Variants in OSBP observed in about 807,000 individuals in gnomAD.
OSBP encodes the protein oxysterol binding protein.
In OSBP, 32 loss-of-function variants were observed where a neutral mutation model predicts 96.6. The observed-to-expected ratio is 0.33, with a 90% CI of 0.25 to 0.45. OSBP has a LOEUF of 0.45. Ranked by LOEUF, OSBP falls within the 20% of genes least tolerant of loss-of-function variation. OSBP has a pLI of 1.00. For synonymous variants in OSBP, 369 were observed against 389.6 expected (o/e 0.95, Z 0.62); for missense variants, 653 against 1,029.7 (o/e 0.63, Z 5.01).
At chr11:59,579,761 C>G (rs1860398818) in intron 11 of OSBP, among the ~76,000 whole-genome samples, 1 of 151,780 alleles carries the variant, frequency 6.6e-6, no homozygotes, top group South Asian at 2.1e-4. Context: ...GCTCTGTTGC[C>G]CAGGCTGGGG....
At chr11:59,615,261 T>TG in intron 1 of OSBP, 42 bp downstream of exon 1, 1 of 1,509,120 alleles carries the variant, frequency 6.6e-7, no homozygotes, top group Non-Finnish European at 9.1e-7. Flanking sequence ...TTGGCAGATA[T>TG]GGGGGAGGCA....
chr11:59,579,938 C>A (rs1333358085), intron 11 of OSBP, among the ~76,000 whole-genome samples: 1 of 152,146 alleles, frequency 6.6e-6, no homozygotes, highest in Non-Finnish European at 1.5e-5. Context: ...GCTCGAACTC[C>A]TGACCTCAGG....
chr11:59,585,578 G>A (rs1156637419), intron 9 of OSBP, among the ~76,000 whole-genome samples: 22 of 151,486 alleles, frequency 1.5e-4, no homozygotes, highest in Non-Finnish European at 2.1e-4. Context: ...CAGCCGCCCC[G>A]TCCGGGAGGT....
intron 9 of OSBP, among the ~76,000 whole-genome samples, chr11:59,590,273 C>G (rs1860560955): frequency 6.6e-6 from 1 of 152,162 alleles, no homozygotes; most frequent in African/African-American, 2.4e-5. Context: ...ACTGCCTTAT[C>G]TTGTCAGACC....
At position 59,594,426 on chromosome 11, in the gene OSBP, C is replaced by T. The variant is rs535268669; in HGVS notation, c.1312-171G>A. On this transcript the variant is annotated intron_variant, in intron 7 of 13. Coordinates refer to ENST00000263847, the MANE Select transcript of OSBP (RefSeq NM_002556.3). Reference sequence around the variant, plus strand: ...CATTCTCCTTGTCAACTGTTCATGTCTGTGAGTGGCAGAAATCACTGTTTT... The same window carrying T: ...CATTCTCCTTGTCAACTGTTCATGTTTGTGAGTGGCAGAAATCACTGTTTT... Among the ~76,000 whole-genome samples, 8 of 152,320 alleles carry T rather than the reference C, an allele frequency of 5.3e-5. No individual in the cohort carries two copies. In the South Asian group the frequency reaches 1.7e-3, roughly 32 times the overall value.
intron 3 of OSBP, among the ~76,000 whole-genome samples, chr11:59,602,782 C>T (rs964731703): frequency 2.6e-5 from 4 of 152,114 alleles, no homozygotes; most frequent in Non-Finnish European, 4.4e-5. Flanking sequence ...CCACCATGGC[C>T]GACTAATTTT....
rs569899607 is a variant in OSBP, at chr11:59,578,033, T to C, written c.2060+116A>G. On this transcript the variant is annotated intron_variant, in intron 12 of 13. Transcript: ENST00000263847. ...CTGTTAATCTCTCCAAAAGTCTCAA[T>C]TTCCCTTGCTCAATTCCCCACATAA... is the stretch of plus-strand genomic sequence containing the variant. 4.0e-5 allele frequency: 37 copies of C among 925,048 alleles called. No homozygotes were observed. The African/African-American group carries it at 6.1e-4, about 15-fold the overall frequency. The allele number at this position is 925,048 out of a possible 1,614,324, so 57.3% of individuals were successfully genotyped here.
chr11:59,604,202 G>A (rs1383024560), intron 3 of OSBP, among the ~76,000 whole-genome samples: 1 of 151,998 alleles, frequency 6.6e-6, no homozygotes, highest in East Asian at 1.9e-4. Context: ...TGTTTTACAT[G>A]TAAGCACTTA....
intron 1 of OSBP, among the ~76,000 whole-genome samples, chr11:59,613,647 T>C (rs968724750): frequency 3.9e-5 from 6 of 152,166 alleles, no homozygotes; most frequent in African/African-American, 1.2e-4. Flanking sequence ...TCTGGGGAAA[T>C]TAAAATTTTA....
chr11:59,577,197 T>C (rs1860370847), intron 12 of OSBP, among the ~76,000 whole-genome samples, 172 bp from the exon 13 acceptor site: 1 of 152,148 alleles, frequency 6.6e-6, no homozygotes, highest in Non-Finnish European at 1.5e-5. Context: ...AGGAGACAAA[T>C]TGGATCCCTC....
intron 9 of OSBP, among the ~76,000 whole-genome samples, chr11:59,585,431 C>T (rs1356243042): frequency 4.0e-5 from 6 of 148,780 alleles, no homozygotes; most frequent in African/African-American, 1.0e-4. Flanking sequence ...GGAGCCCCTC[C>T]GCCCGGCAGC....
Position 59,600,479 on chromosome 11 carries a change from G to A in OSBP, c.1311+17C>T. ...AGAGGAACTCCTGGCAGCAGCTCCA[G>A]TGTGCAAGAACCTTACCGGCATGGG... On this transcript the variant is annotated intron_variant, in intron 7 of 13. Transcript: ENST00000263847. 6.2e-7 allele frequency: 1 copy of A among 1,612,756 alleles called. No homozygotes were observed. The highest frequency in any genetic ancestry group is 8.5e-7 in the Non-Finnish European group (1 of 1,179,438).
chr11:59,579,675 T>C (rs1258672343), intron 11 of OSBP, among the ~76,000 whole-genome samples: 2 of 152,214 alleles, frequency 1.3e-5, no homozygotes, highest in African/African-American at 4.8e-5. Flanking sequence ...GGAATTGGCT[T>C]AGTAGTAATA....
Position 59,576,951 on chromosome 11 carries a change from G to T in OSBP, c.2135C>A (p.Pro712His), listed in dbSNP as rs1860368081. 1 of 1,614,068 alleles carries T rather than the reference G, an allele frequency of 6.2e-7. No homozygotes were observed. Among genetic ancestry groups the T allele is most frequent in the Admixed American group, 1.7e-5 (1 of 60,000 alleles). The part of the protein sequence containing the change: ...TLNAWESGTA[P>H]TDSRLRPDQR... ...GTCAGGTCGTAACCGGCTGTCTGTG[G>T]GGGCAGTGCCACTTTCCCAAGCATT... Residue 712 changes from proline to histidine, a missense_variant, in exon 13 of 14, where the codon CCC becomes CAC. Pro to His is a moderately conservative substitution (Grantham distance 77). Coordinates refer to ENST00000263847, the MANE Select transcript of OSBP (RefSeq NM_002556.3).
chr11:59,577,385 A>G (rs1860372677), intron 12 of OSBP, among the ~76,000 whole-genome samples: 1 of 152,162 alleles, frequency 6.6e-6, no homozygotes, highest in Non-Finnish European at 1.5e-5. Flanking sequence ...TATCACTACA[A>G]ACTGACTGTA....
At position 59,615,700 on chromosome 11, in the gene OSBP, G is replaced by C; in HGVS notation, c.-36C>G. The C allele has an allele frequency of 7.9e-7, 1 of 1,268,260 alleles. No individual in the cohort carries two copies. Among genetic ancestry groups the C allele is most frequent in the East Asian group, 3.2e-5 (1 of 31,194 alleles). The allele number at this position is 1,268,260 out of a possible 1,614,324, so 78.6% of individuals were successfully genotyped here. A position where few individuals can be genotyped will look rare whatever the true frequency, so the allele number is the denominator to read the frequency against. Reference sequence around the variant, plus strand: ...CGCCTGGAGATACAAGACCGGAACCGCCTACGAGAGCCGCCGTCGCCGCCC... The same window carrying C: ...CGCCTGGAGATACAAGACCGGAACCCCCTACGAGAGCCGCCGTCGCCGCCC... On this transcript the variant is annotated 5_prime_UTR_variant, in exon 1 of 14. Coordinates refer to ENST00000263847, the MANE Select transcript of OSBP (RefSeq NM_002556.3).
At chr11:59,604,599 GGAT>G (rs1168589180) in intron 3 of OSBP, among the ~76,000 whole-genome samples, 1 of 152,096 alleles carries the variant, frequency 6.6e-6, no homozygotes, top group Admixed American at 6.5e-5. Context: ...CTACTTGGGA[GGAT>G]GAGGTAGAAG....
At chr11:59,610,888 CTT>C (rs2134710126) in intron 1 of OSBP, among the ~76,000 whole-genome samples, 1 of 151,066 alleles carries the variant, frequency 6.6e-6, no homozygotes, top group South Asian at 2.1e-4. Context: ...AATCCCAGCA[CTT>C]TGGGAGGCCA....
Position 59,600,818 on chromosome 11 carries a change from C to A in OSBP, c.1179+1G>T. 6.2e-7 allele frequency: 1 copy of A among 1,612,766 alleles called. No homozygotes were observed. The highest frequency in any genetic ancestry group is 8.5e-7 in the Non-Finnish European group (1 of 1,179,122). ...TCTGAGATCTCCCATATAAGAATTA[C>A]CTGTTCATCAAGGCTGATGTCACTG... On this transcript the variant is annotated splice_donor_variant, in intron 6 of 13. Transcript: ENST00000263847. LOFTEE classifies it high-confidence loss of function.
Sources: gnomAD v4.1 joint callset for allele counts (sites outside exome capture counted in the v4.1 genomes callset) on GRCh38, gnomAD v4.1.1 for gene constraint, MANE v1.5 for transcripts, NCBI Gene and HGNC (gene_info 2026-07-23, HGNC 2026-07-21) for gene names.